The following ATP5F1A variants were observed in gnomAD, a reference collection of about 807,000 sequenced individuals.
ATP5F1A encodes ATP synthase F1 subunit alpha.
In ATP5F1A, 24 loss-of-function variants were observed where a neutral mutation model predicts 57.4. That is an observed-to-expected ratio of 0.42 (90% CI 0.30 to 0.59). The LOEUF is 0.59. Ranked by LOEUF, ATP5F1A falls within the 20% of genes least tolerant of loss-of-function variation. The probability of loss-of-function intolerance (pLI) is 0.19; values close to 1 mark genes in which losing one functional copy is unlikely to be tolerated. For synonymous variants in ATP5F1A, 251 were observed against 255.5 expected, an observed-to-expected ratio of 0.98 and a Z score of 0.17; for missense variants, 494 against 707.9, an observed-to-expected ratio of 0.70 and a Z score of 3.43.
At chr18:46,095,805 T>C (rs962706573) in intron 1 of ATP5F1A, among the ~76,000 whole-genome samples, 2 of 151,986 alleles carry the variant, frequency 1.3e-5, no homozygotes, top group Non-Finnish European at 2.9e-5. Flanking sequence ...ATTTTTTTTA[T>C]AGAGACAGGA....
At position 46,088,425 on chromosome 18, in the gene ATP5F1A, T is replaced by TA. The variant is rs1324785759; in HGVS notation, c.651-169dup. On this transcript the variant is annotated intron_variant, in intron 5 of 11. Transcript: ENST00000398752. ...AAATTCTTCTGCCTTGAGATGCTGT[T>TA]AGTCTGTAACCATAGCCCCAACCCT... The TA allele has an allele frequency of 3.2e-5, 19 of 589,734 alleles. No homozygotes were observed. In the African/African-American group the frequency reaches 3.4e-4, roughly 11 times the overall value. 36.5% of individuals were successfully genotyped at this position (589,734 alleles called of 1,614,324 possible).
In ATP5F1A at chr18:46,089,928, C is replaced by T. The variant is rs864309574; in HGVS notation, c.378G>A (p.Lys126=). The change falls in exon 4 of 12, where the codon AAG becomes AAA. Residue 126 remains lysine (K), a synonymous_variant. Transcript: ENST00000398752. ...CTGTCCTCTTCACTATATCTCCTTCCTTAATTAGTTTATCATTTCCAAACA... is the reference window on the plus strand; with the variant it reads ...CTGTCCTCTTCACTATATCTCCTTCTTTAATTAGTTTATCATTTCCAAACA... ...VVVFGNDKLI[K]EGDIVKRTGA... 3.7e-6 allele frequency: 6 copies of T among 1,613,618 alleles called. No individual in the cohort carries two copies. The highest frequency in any genetic ancestry group is 5.1e-6 in the Non-Finnish European group (6 of 1,179,872).
chr18:46,084,387 G>GT (rs773965203), intron 11 of ATP5F1A, 24 bp from the exon 12 acceptor site: 22 of 1,606,590 alleles, frequency 1.4e-5, no homozygotes, highest in African/African-American at 1.3e-4. Context: ...AAAGCAGGTC[G>GT]TAAGTTCTGA....
intron 2 of ATP5F1A, chr18:46,093,505 C>T (rs538620377): frequency 1.3e-5 from 2 of 152,356 alleles, no homozygotes; most frequent in African/African-American, 4.8e-5. Flanking sequence ...CGCTACTGCA[C>T]CCCAGCTTGG....
Position 46,090,950 on chromosome 18 carries a change from A to T in ATP5F1A, c.309+732T>A, listed in dbSNP as rs574794181. 2.0e-5 allele frequency among the ~76,000 whole-genome samples: 3 copies of T among 152,306 alleles called. No homozygotes were observed. The South Asian group carries it at 6.2e-4, about 32-fold the overall frequency. On this transcript the variant is annotated intron_variant, in intron 3 of 11. Coordinates refer to ENST00000398752, the MANE Select transcript of ATP5F1A (RefSeq NM_004046.6). ...GGGAACTCAGAATTAATCTGTTTCG[A>T]CCTCACCTTTCAAAGATAAATACTG...
chr18:46,103,701 G>C (rs1416459942), intron 1 of ATP5F1A, among the ~76,000 whole-genome samples: 1 of 151,842 alleles, frequency 6.6e-6, no homozygotes, highest in African/African-American at 2.4e-5. Context: ...GGATCATGAG[G>C]TTAGGAGTTC....
chr18:46,087,354 T>A lies in ATP5F1A; in HGVS notation c.938A>T (p.Asp313Val). The A allele has an allele frequency of 1.2e-6, 2 of 1,614,122 alleles. No individual in the cohort carries two copies. The highest frequency in any genetic ancestry group is 1.7e-6 in the Non-Finnish European group (2 of 1,180,022). ...ATTTCCTTTGACCTGTTTGGATAAG[T>A]CGTCATAGATGATCAAAGCATGTTT... The part of the protein sequence containing the change: ...NGKHALIIYD[D>V]LSKQAVAYRQ... The change falls in exon 7 of 12, where the codon GAC becomes GTC. Residue 313 changes from aspartate to valine, a missense_variant. Coordinates refer to ENST00000398752, the MANE Select transcript of ATP5F1A (RefSeq NM_004046.6).
intron 1 of ATP5F1A, 114 bp from the exon 2 acceptor site, chr18:46,095,245 C>T: frequency 2.2e-6 from 2 of 923,486 alleles, no homozygotes; most frequent in Non-Finnish European, 3.2e-6. Context: ...ATGCTAATTA[C>T]ATATAAAGCA....
intron 1 of ATP5F1A, 199 bp downstream of exon 1, chr18:46,097,973 T>C (rs1911087635): frequency 1.0e-5 from 14 of 1,406,552 alleles, no homozygotes; most frequent in South Asian, 6.4e-5. Flanking sequence ...CTGTCTGCCC[T>C]GTACCATTCT....
In ATP5F1A at chr18:46,086,281, T is replaced by G. The variant is rs368335422; in HGVS notation, c.1285-24A>C. 7.1e-5 allele frequency: 115 copies of G among 1,613,720 alleles called. 1 individual carries two copies. In the South Asian group the frequency reaches 1.2e-3, roughly 17 times the overall value. ...ACCTGCAATACAGAAATTACTGTAC[T>G]GTAACTCAGTGACACAGAGCACTAT... On this transcript the variant is annotated intron_variant, in intron 9 of 11. Coordinates refer to ENST00000398752, the MANE Select transcript of ATP5F1A (RefSeq NM_004046.6).
At chr18:46,089,300 T>A in intron 5 of ATP5F1A, 1 of 405,394 alleles carries the variant, frequency 2.5e-6, no homozygotes, top group South Asian at 3.4e-5. Context: ...GCCCCCTTCA[T>A]CTGGTGCCCA....
At position 46,092,807 on chromosome 18, in the gene ATP5F1A, T is replaced by C. The variant is rs368418270; in HGVS notation, c.140-956A>G. 8.2e-4 allele frequency among the ~76,000 whole-genome samples: 124 copies of C among 151,138 alleles called. 1 individual carries two copies. Among genetic ancestry groups the C allele is most frequent in the African/African-American group, 3.0e-3 (121 of 40,740 alleles). ...TTAATTTCTAAGAAATCTGTAACTATGTTAAAACCTGAATTTTTGGCTAAA... is the reference window on the plus strand; with the variant it reads ...TTAATTTCTAAGAAATCTGTAACTACGTTAAAACCTGAATTTTTGGCTAAA... On this transcript the variant is annotated intron_variant, in intron 2 of 11. Coordinates refer to ENST00000398752, the MANE Select transcript of ATP5F1A (RefSeq NM_004046.6).
At chr18:46,095,993 A>G (rs1910920218) in intron 1 of ATP5F1A, among the ~76,000 whole-genome samples, 1 of 151,666 alleles carries the variant, frequency 6.6e-6, no homozygotes, top group African/African-American at 2.4e-5. Flanking sequence ...GGTTCAAGCG[A>G]TTCTCATGCC....
Position 46,083,549 on chromosome 18 carries a change from A to G in ATP5F1A, c.*733T>C, listed in dbSNP as rs975764661. 3.3e-5 allele frequency: 5 copies of G among 152,176 alleles called. No homozygotes were observed. The highest frequency in any genetic ancestry group is 2.6e-4 in the Admixed American group (4 of 15,274). 9.4% of individuals were successfully genotyped at this position (152,176 alleles called of 1,614,324 possible). ...TTTCCCTGAGAATTTTAACTGTCCT[A>G]TTATTTTCCTGCCTACAGTACCTCT... On this transcript the variant is annotated 3_prime_UTR_variant, in exon 12 of 12. Coordinates refer to ENST00000398752, the MANE Select transcript of ATP5F1A (RefSeq NM_004046.6).
chr18:46,093,343 A>C (rs1167550774), intron 2 of ATP5F1A: 1 of 151,242 alleles, frequency 6.6e-6, no homozygotes, highest in Non-Finnish European at 1.5e-5. Context: ...CAGCCTGGCC[A>C]ACACAGCAAA....
chr18:46,086,291 T>C (rs936005931), intron 9 of ATP5F1A, 34 bp from the exon 10 acceptor site: 1 of 1,613,506 alleles, frequency 6.2e-7, no homozygotes, highest in Non-Finnish European at 8.5e-7. Flanking sequence ...TGTAACTCAG[T>C]GACACAGAGC....
At position 46,084,885 on chromosome 18, in the gene ATP5F1A, GT is replaced by G. The variant is rs35503671; in HGVS notation, c.1430-232del. 0.11 allele frequency: 46,460 copies of G among 425,222 alleles called. 4,374 individuals carry two copies. Among genetic ancestry groups the G allele is most frequent in the East Asian group, 0.44 (11,808 of 26,724 alleles). 26.3% of individuals were successfully genotyped at this position (425,222 alleles called of 1,614,324 possible). ...GCTTGAGGCATAATCTTTCAGTATAGTCCATAAGCACTGTTTATAATCTGAC... is the reference window on the plus strand; with the variant it reads ...GCTTGAGGCATAATCTTTCAGTATAGCCATAAGCACTGTTTATAATCTGAC... On this transcript the variant is annotated intron_variant, in intron 10 of 11. Coordinates refer to ENST00000398752, the MANE Select transcript of ATP5F1A (RefSeq NM_004046.6).
upstream of ATP5F1A, among the ~76,000 whole-genome samples, chr18:46,100,779 C>T (rs1399211509): frequency 3.3e-5 from 5 of 152,266 alleles, no homozygotes; most frequent in African/African-American, 1.2e-4. Flanking sequence ...TTAGATAAAA[C>T]TGGTTTAGGT....
Position 46,080,789 on chromosome 18 carries a change from CAT to C in ATP5F1A, c.*3491_*3492del, listed in dbSNP as rs1909697444. On this transcript the variant is annotated 3_prime_UTR_variant, in exon 12 of 12. Transcript: ENST00000398752. ...GCTATCATATTCTTTAAAAATATCACATATTTTTAAATGTGATATTTAAAAAT... is the reference window on the plus strand; with the variant it reads ...GCTATCATATTCTTTAAAAATATCACATTTTTAAATGTGATATTTAAAAAT... 2 of 151,984 alleles carry C rather than the reference CAT, an allele frequency of 1.3e-5. No homozygotes were observed. The highest frequency in any genetic ancestry group is 2.0e-4 in the East Asian group (1 of 5,128). The allele number at this position is 151,984 out of a possible 1,614,324, so 9.4% of individuals were successfully genotyped here.
Sources: gnomAD v4.1 joint callset for allele counts (sites outside exome capture counted in the v4.1 genomes callset) on GRCh38, gnomAD v4.1.1 for gene constraint, MANE v1.5 for transcripts, NCBI Gene and HGNC (gene_info 2026-07-23, HGNC 2026-07-21) for gene names.